SRGAP1: variants seen among roughly 807,000 people sequenced by gnomAD.
SRGAP1 encodes SLIT-ROBO Rho GTPase activating protein 1.
A neutral mutation model predicts 121.9 loss-of-function variants in SRGAP1; 43 were observed. The ratio of observed to expected loss-of-function variants is 0.35; its 90% CI spans 0.28 to 0.46. SRGAP1 has a LOEUF of 0.46. SRGAP1 is among the 20% of genes least tolerant of loss of function. The probability of loss-of-function intolerance (pLI) is 1.00; values close to 1 mark genes in which losing one functional copy is unlikely to be tolerated. For missense variants in SRGAP1, 1,102 were observed against 1,350.9 expected, an observed-to-expected ratio of 0.82 and a Z score of 2.89; for synonymous variants, 447 against 485.4, an observed-to-expected ratio of 0.92 and a Z score of 1.04.
intron 19 of SRGAP1, among the ~76,000 whole-genome samples, chr12:64,126,461 C>T (rs1172222857): frequency 6.6e-6 from 1 of 152,218 alleles, no homozygotes; most frequent in Admixed American, 6.5e-5. Flanking sequence ...AACAGCAGTG[C>T]TCTTCTCTTG....
intron 4 of SRGAP1, among the ~76,000 whole-genome samples, chr12:64,033,304 G>C (rs2034823651): frequency 6.6e-6 from 1 of 152,134 alleles, no homozygotes; most frequent in Non-Finnish European, 1.5e-5. Context: ...AATTCAAACT[G>C]TTATGCTGAT....
chr12:63,919,338 G>T (rs912352806), intron 1 of SRGAP1, among the ~76,000 whole-genome samples: 3 of 152,004 alleles, frequency 2.0e-5, no homozygotes, highest in African/African-American at 7.3e-5. Context: ...GATTACAGGT[G>T]TGAGCCACCA....
chr12:64,023,025 A>G (rs1460505447), intron 4 of SRGAP1, among the ~76,000 whole-genome samples: 1 of 152,174 alleles, frequency 6.6e-6, no homozygotes, highest in African/African-American at 2.4e-5. Context: ...AAACATTAGT[A>G]GTTAATGTTA....
rs1479014012 is a variant in SRGAP1 at position 64,042,799 on chromosome 12, A to G, written c.499A>G (p.Thr167Ala). 1 of 1,613,002 alleles carries G rather than the reference A, an allele frequency of 6.2e-7. No homozygotes were observed. Among genetic ancestry groups the G allele is most frequent in the South Asian group, 1.1e-5 (1 of 90,896 alleles). Reference sequence around the variant, plus strand: ...GGTCACTTTTCCACAGGTGATGAAAACATACCATATGTATCATGCAGAGAG... The same window carrying G: ...GGTCACTTTTCCACAGGTGATGAAAGCATACCATATGTATCATGCAGAGAG... ...VLNELYTVMK[T>A]YHMYHAESIS... Residue 167 changes from threonine to alanine, a missense_variant, in exon 5 of 22, where the codon ACA becomes GCA. Transcript: ENST00000355086.
chr12:63,868,075 TTTTGTTTTTTTTTTTTTG>T (rs1565927719), intron 1 of SRGAP1, among the ~76,000 whole-genome samples: 117 of 96,982 alleles, frequency 1.2e-3, no homozygotes, highest in African/African-American at 4.5e-3. Flanking sequence ...TTTTTTTTTT[TTTTGTTTTTTTTTTTTTG>T]TTTTTTGAGA....
intron 1 of SRGAP1, among the ~76,000 whole-genome samples, chr12:63,954,978 T>G (rs7980966): frequency 0.43 from 65,529 of 151,964 alleles, 14,499 homozygotes; most frequent in Middle Eastern, 0.53. Flanking sequence ...TTTTAAAAAA[T>G]TATTTGCTTT....
chr12:64,026,683 A>G (rs958014105), intron 4 of SRGAP1, among the ~76,000 whole-genome samples: 1 of 151,524 alleles, frequency 6.6e-6, no homozygotes, highest in Non-Finnish European at 1.5e-5. Flanking sequence ...CCTGGCCAAC[A>G]TGGTGAAACC....
Position 64,043,509 on chromosome 12 carries a change from A to T in SRGAP1, c.735A>T (p.Leu245=), listed in dbSNP as rs2035064109. ...TTAAGGCACGGAACGAATATCTCCT[A>T]ACACTTGAAGCCACCAATGCCTCAG... ...KSIKARNEYL[L]TLEATNASVF... is the part of the protein sequence containing the mutation. The change falls in exon 6 of 22, where the codon CTA becomes CTT. Residue 245 remains leucine (L), a synonymous_variant. Transcript: ENST00000355086. 6.2e-7 allele frequency: 1 copy of T among 1,612,572 alleles called. No individual in the cohort carries two copies. Among genetic ancestry groups the T allele is most frequent in the Admixed American group, 1.7e-5 (1 of 59,848 alleles).
rs1900854537 is a variant in SRGAP1 at position 63,899,309 on chromosome 12, C to T, written c.67+54426C>T. On this transcript the variant is annotated intron_variant, in intron 1 of 21. Coordinates refer to ENST00000355086, the MANE Select transcript of SRGAP1 (RefSeq NM_020762.4). ...AGGTAGGAGTGCCATTGTACTCCTG[C>T]CTGGGTGACAGAGTGAGATCCTGTC... Among the ~76,000 whole-genome samples, 3 of 151,930 alleles carry T rather than the reference C, an allele frequency of 2.0e-5. No individual in the cohort carries two copies. The East Asian group carries it at 5.8e-4, about 29-fold the overall frequency.
chr12:63,883,138 A>C (rs577548959), intron 1 of SRGAP1, among the ~76,000 whole-genome samples: 1 of 152,348 alleles, frequency 6.6e-6, no homozygotes, highest in African/African-American at 2.4e-5. Flanking sequence ...GACTTTTCCC[A>C]TTAAACCCTG....
At chr12:64,027,390 A>C (rs575054851) in intron 4 of SRGAP1, among the ~76,000 whole-genome samples, 1 of 152,174 alleles carries the variant, frequency 6.6e-6, no homozygotes, top group South Asian at 2.1e-4. Context: ...TTGGAGATCC[A>C]AAGAGAGGGG....
intron 10 of SRGAP1, among the ~76,000 whole-genome samples, chr12:64,084,186 A>G (rs1217841300): frequency 1.3e-5 from 2 of 152,176 alleles, no homozygotes; most frequent in Non-Finnish European, 2.9e-5. Flanking sequence ...CCCATTAACT[A>G]TATGTAGGAG....
At chr12:64,033,598 A>T (rs937623561) in intron 4 of SRGAP1, among the ~76,000 whole-genome samples, 1 of 152,168 alleles carries the variant, frequency 6.6e-6, no homozygotes, top group Non-Finnish European at 1.5e-5. Context: ...AATGCCTGTT[A>T]TCCCAGCTAC....
At chr12:63,874,599 C>G (rs191372054) in intron 1 of SRGAP1, among the ~76,000 whole-genome samples, 1 of 151,928 alleles carries the variant, frequency 6.6e-6, no homozygotes, top group African/African-American at 2.4e-5. Flanking sequence ...CAGTATATAC[C>G]GGAATATATT....
At position 63,949,170 on chromosome 12, in the gene SRGAP1, A is replaced by T. The variant is rs2034846; in HGVS notation, c.68-34777A>T. Among the ~76,000 whole-genome samples the T allele has an allele frequency of 1.1e-3, 115 of 108,492 alleles. 1 individual carries two copies. The highest frequency in any genetic ancestry group is 6.2e-3 in the Middle Eastern group (1 of 162). 71.2% of individuals were successfully genotyped at this position (108,492 alleles called of 152,430 possible). A position where few individuals can be genotyped will look rare whatever the true frequency, so the allele number is the denominator to read the frequency against. On this transcript the variant is annotated intron_variant, in intron 1 of 21. Transcript: ENST00000355086. ...TCATATATGTATTTTCCATATATAT[A>T]TTTTTTCCATATATATTTTTTTTTC...
intron 4 of SRGAP1, among the ~76,000 whole-genome samples, chr12:64,037,892 A>G (rs1422900676): frequency 6.6e-6 from 1 of 152,236 alleles, no homozygotes; most frequent in Non-Finnish European, 1.5e-5. Context: ...TGTTGAATAC[A>G]TAAATATCTT....
intron 1 of SRGAP1, chr12:63,878,787 G>T (rs1900104436): frequency 6.6e-6 from 1 of 152,184 alleles, no homozygotes; most frequent in South Asian, 2.1e-4. Context: ...AAAGTCCTTG[G>T]CTGGTGATGT....
intron 1 of SRGAP1, among the ~76,000 whole-genome samples, chr12:63,884,760 C>T (rs1026088917): frequency 6.4e-5 from 9 of 139,956 alleles, no homozygotes; most frequent in Non-Finnish European, 3.0e-5. Context: ...CTTGCTCTGT[C>T]GCCCAGGCTG....
chr12:64,121,637 A>C (rs1324966814), intron 18 of SRGAP1, among the ~76,000 whole-genome samples: 3 of 151,828 alleles, frequency 2.0e-5, no homozygotes, highest in Admixed American at 1.3e-4. Context: ...CACATGGTTT[A>C]TTTCTTTTTC....
Sources: gnomAD v4.1 joint callset for allele counts (sites outside exome capture counted in the v4.1 genomes callset) on GRCh38, gnomAD v4.1.1 for gene constraint, MANE v1.5 for transcripts, NCBI Gene and HGNC (gene_info 2026-07-23, HGNC 2026-07-21) for gene names.